The following TRPC4 variants were observed in gnomAD, a reference collection of about 807,000 sequenced individuals.
The protein encoded by TRPC4 is transient receptor potential cation channel subfamily C member 4, also known as short transient receptor potential channel 4.
Under a neutral mutation model 99.4 loss-of-function variants are expected in TRPC4, and 49 were observed. The ratio of observed to expected loss-of-function variants is 0.49; its 90% CI spans 0.39 to 0.63. TRPC4 has a LOEUF of 0.63. Among genes scored for constraint, TRPC4 ranks in the 20% least tolerant of loss-of-function variants. The pLI, the probability that TRPC4 is intolerant of heterozygous loss-of-function variation, is 0.00. For missense variants in TRPC4, 898 were observed against 1,152.9 expected, an observed-to-expected ratio of 0.78 and a Z score of 3.20; for synonymous variants, 454 against 425.9, an observed-to-expected ratio of 1.07 and a Z score of -0.81.
intron 2 of TRPC4, among the ~76,000 whole-genome samples, chr13:37,750,811 C>T (rs960033085): frequency 2.0e-5 from 3 of 151,974 alleles, no homozygotes; most frequent in African/African-American, 7.2e-5. Context: ...CCCCAACCCT[C>T]CGACAGGCCC....
At position 37,636,328 on chromosome 13, in the gene TRPC4, T is replaced by C. The variant is rs1951518084; in HGVS notation, c.*575A>G. Among the ~76,000 whole-genome samples, 1 of 152,104 alleles carries C rather than the reference T, an allele frequency of 6.6e-6. No individual in the cohort carries two copies. The highest frequency in any genetic ancestry group is 6.6e-5 in the Admixed American group (1 of 15,234). On this transcript the variant is annotated 3_prime_UTR_variant, in exon 11 of 11. Transcript: ENST00000379705. ...ACAACCTAAAACACTACAAAGTTTT[T>C]CTGAATTTGAGGGAGTTTAGATATG... is the stretch of plus-strand genomic sequence containing the variant.
In TRPC4 at chr13:37,692,379, A is replaced by G. The variant is rs17261389; in HGVS notation, c.898-44T>C. On this transcript the variant is annotated intron_variant, in intron 3 of 10. Coordinates refer to ENST00000379705, the MANE Select transcript of TRPC4 (RefSeq NM_016179.4). ...AAAAGGAAAAATAAGTCACAGTTAC[A>G]TGGAGTGGCCTCAATTCATCAATAA... 14,848 of 1,526,172 alleles carry G rather than the reference A, an allele frequency of 9.7e-3. 78 individuals carry two copies. Among genetic ancestry groups the G allele is most frequent in the Non-Finnish European group, 0.012 (13,596 of 1,123,186 alleles). The allele number at this position is 1,526,172 out of a possible 1,614,324, so 94.5% of individuals were successfully genotyped here.
intron 6 of TRPC4, among the ~76,000 whole-genome samples, chr13:37,661,389 T>C (rs913930490): frequency 5.5e-4 from 84 of 152,218 alleles, no homozygotes; most frequent in African/African-American, 1.9e-3. Flanking sequence ...GACAGTGTTA[T>C]GTATAACCTA....
chr13:37,743,929 C>G (rs116639597), intron 3 of TRPC4, among the ~76,000 whole-genome samples: 1 of 152,030 alleles, frequency 6.6e-6, no homozygotes, highest in African/African-American at 2.4e-5. Flanking sequence ...AATGCCATGA[C>G]CAAAATGAGT....
At chr13:37,723,902 A>T (rs969299961) in intron 3 of TRPC4, among the ~76,000 whole-genome samples, 2 of 152,128 alleles carry the variant, frequency 1.3e-5, no homozygotes, top group African/African-American at 4.8e-5. Flanking sequence ...ATTTTATAAA[A>T]CATACCTATA....
At chr13:37,651,576 T>C in intron 7 of TRPC4, 117 bp from the exon 8 acceptor site, 2 of 895,188 alleles carry the variant, frequency 2.2e-6, no homozygotes. Flanking sequence ...ATTAAATTGC[T>C]TCTAAAACCA....
intron 4 of TRPC4, among the ~76,000 whole-genome samples, chr13:37,677,099 G>C (rs999605733): frequency 6.6e-6 from 1 of 151,982 alleles, no homozygotes; most frequent in East Asian, 1.9e-4. Flanking sequence ...CAAGCCTCCC[G>C]TCATAAGGTT....
intron 6 of TRPC4, among the ~76,000 whole-genome samples, chr13:37,661,018 G>A (rs1399916625): frequency 6.6e-6 from 1 of 151,990 alleles, no homozygotes; most frequent in Non-Finnish European, 1.5e-5. Flanking sequence ...ATATCTTGAA[G>A]CAAAAAATAA....
At chr13:37,831,712 G>A (rs1958425182) in intron 1 of TRPC4, among the ~76,000 whole-genome samples, 1 of 152,132 alleles carries the variant, frequency 6.6e-6, no homozygotes, top group African/African-American at 2.4e-5. Context: ...ATTATAAAAA[G>A]GTAAATCTTG....
At chr13:37,819,869 A>C (rs1593253685) in intron 1 of TRPC4, among the ~76,000 whole-genome samples, 2 of 151,858 alleles carry the variant, frequency 1.3e-5, no homozygotes, top group South Asian at 4.1e-4. Flanking sequence ...TAACAACCTA[A>C]CATCACACCT....
intron 3 of TRPC4, among the ~76,000 whole-genome samples, chr13:37,723,207 C>A (rs2139044006): frequency 1.3e-5 from 2 of 152,112 alleles, no homozygotes; most frequent in Middle Eastern, 3.4e-3. Context: ...ATAACAAAAG[C>A]ATATGATTAA....
chr13:37,695,622 T>C (rs1953879476), intron 3 of TRPC4, among the ~76,000 whole-genome samples: 1 of 152,148 alleles, frequency 6.6e-6, no homozygotes, highest in African/African-American at 2.4e-5. Context: ...ACACTAAAAC[T>C]TTCAAATTCA....
At chr13:37,804,740 G>C (rs1478089146) in intron 1 of TRPC4, among the ~76,000 whole-genome samples, 1 of 152,018 alleles carries the variant, frequency 6.6e-6, no homozygotes, top group African/African-American at 2.4e-5. Flanking sequence ...ATGCGTTACT[G>C]TTTTAAAGTG....
Position 37,788,802 on chromosome 13 carries a change from A to G in TRPC4, c.-27-5442T>C, listed in dbSNP as rs550999023. On this transcript the variant is annotated intron_variant, in intron 1 of 10. Coordinates refer to ENST00000379705, the MANE Select transcript of TRPC4 (RefSeq NM_016179.4). ...TAAAATCTACGTTGCCAGACCACAC[A>G]TCTCCCTTAAGATCTGGACTTCTGC... is the stretch of plus-strand genomic sequence containing the variant. 5.3e-5 allele frequency among the ~76,000 whole-genome samples: 8 copies of G among 152,248 alleles called. No individual in the cohort carries two copies. In the South Asian group the frequency reaches 1.7e-3, roughly 32 times the overall value.
intron 4 of TRPC4, among the ~76,000 whole-genome samples, chr13:37,683,561 A>T (rs1953335665): frequency 6.6e-6 from 1 of 152,146 alleles, no homozygotes; most frequent in South Asian, 2.1e-4. Flanking sequence ...GTGGAGGCAC[A>T]ACAGGGCTCT....
At chr13:37,784,132 G>A (rs1032636391) in intron 1 of TRPC4, among the ~76,000 whole-genome samples, 5 of 152,062 alleles carry the variant, frequency 3.3e-5, no homozygotes, top group African/African-American at 1.2e-4. Flanking sequence ...AGTTCATTGA[G>A]GGGGAAAGAC....
At position 37,795,856 on chromosome 13, in the gene TRPC4, C is replaced by T. The variant is rs372424750; in HGVS notation, c.-27-12496G>A. On this transcript the variant is annotated intron_variant, in intron 1 of 10. Coordinates refer to ENST00000379705, the MANE Select transcript of TRPC4 (RefSeq NM_016179.4). The stretch of plus-strand genomic sequence containing the variant: ...TTATAGACATTTGGGAATATGAAAG[C>T]ACTATTCAAAGTCACAGGAGAAGGC... Among the ~76,000 whole-genome samples, 10 of 152,242 alleles carry T rather than the reference C, an allele frequency of 6.6e-5. No homozygotes were observed. In the South Asian group the frequency reaches 8.3e-4, roughly 13 times the overall value.
chr13:37,834,801 C>T (rs552145119), intron 1 of TRPC4, among the ~76,000 whole-genome samples: 1 of 152,174 alleles, frequency 6.6e-6, no homozygotes, highest in Non-Finnish European at 1.5e-5. Context: ...AATCTCGGCT[C>T]ACTGTAATCT....
In TRPC4 at chr13:37,650,612, T is replaced by TACACACACACACACACACACACACACAC. The variant is rs57068516; in HGVS notation, c.2079+652_2079+653insGTGTGTGTGTGTGTGTGTGTGTGTGTGT. On this transcript the variant is annotated intron_variant, in intron 8 of 10. Coordinates refer to ENST00000379705, the MANE Select transcript of TRPC4 (RefSeq NM_016179.4). ...CTCTGTCTCTCTCTCTCTCTCTCTATACACACACACACACACACACACATA... is the reference window on the plus strand; with the variant it reads ...CTCTGTCTCTCTCTCTCTCTCTCTATACACACACACACACACACACACACACACACACACACACACACACACACACATA... 8.5e-4 allele frequency among the ~76,000 whole-genome samples: 120 copies of TACACACACACACACACACACACACACAC among 140,604 alleles called. 1 individual carries two copies. The highest frequency in any genetic ancestry group is 3.0e-3 in the African/African-American group (110 of 37,044). The allele number at this position is 140,604 out of a possible 152,430, so 92.2% of individuals were successfully genotyped here. A position where few individuals can be genotyped will look rare whatever the true frequency, so the allele number is the denominator to read the frequency against.
Sources: allele counts gnomAD v4.1 joint callset (sites outside exome capture counted in the v4.1 genomes callset), GRCh38; gene constraint gnomAD v4.1.1; transcripts MANE v1.5; gene names NCBI Gene and HGNC (gene_info 2026-07-23, HGNC 2026-07-21).